The following TNRC6A variants were observed in gnomAD, a reference collection of about 807,000 sequenced individuals.
The protein encoded by TNRC6A is trinucleotide repeat-containing gene 6A protein.
A neutral mutation model predicts 221.2 loss-of-function variants in TNRC6A; 44 were observed. The ratio of observed to expected loss-of-function variants is 0.20; its 90% CI spans 0.16 to 0.26. The LOEUF (loss-of-function observed/expected upper bound fraction) is 0.26. TNRC6A is among the 10% of genes least tolerant of loss of function. The pLI, the probability that TNRC6A is intolerant of heterozygous loss-of-function variation, is 1.00. For synonymous variants in TNRC6A, 847 were observed against 838.5 expected, an observed-to-expected ratio of 1.01 and a Z score of -0.18; for missense variants, 2,199 against 2,404.4, an observed-to-expected ratio of 0.91 and a Z score of 1.79.
chr16:24,611,137 C>A (rs1005529102), intron 1 of TNRC6A, among the ~76,000 whole-genome samples: 6 of 151,992 alleles, frequency 3.9e-5, no homozygotes, highest in Non-Finnish European at 7.4e-5. Flanking sequence ...ATTCACATAC[C>A]TTTCTGTCTC....
chr16:24,822,868 T>G lies in TNRC6A; in HGVS notation c.5374-6T>G. On this transcript the variant is annotated splice_polypyrimidine_tract_variant and splice_region_variant and intron_variant, in intron 23 of 24. Transcript: ENST00000395799. Reference sequence around the variant, plus strand: ...TCTCACTGGCAGTTTCCACACTGTTTCCTAGATCGATGGCTCAACTCTGCG... The same window carrying G: ...TCTCACTGGCAGTTTCCACACTGTTGCCTAGATCGATGGCTCAACTCTGCG... The G allele has an allele frequency of 1.2e-6, 2 of 1,613,078 alleles. No individual in the cohort carries two copies. Among genetic ancestry groups the G allele is most frequent in the Non-Finnish European group, 1.7e-6 (2 of 1,179,936 alleles).
At chr16:24,664,769 TCACACACACACACACA>T (rs149786252) in intron 2 of TNRC6A, 118 of 301,638 alleles carry the variant, frequency 3.9e-4, no homozygotes, top group South Asian at 1.3e-3. Flanking sequence ...AATCCCCAAA[TCACACACACACACACA>T]CACACACACA....
At position 24,642,244 on chromosome 16, in the gene TNRC6A, G is replaced by C. The variant is rs1301134258; in HGVS notation, n.402+1235G>C. On this transcript the variant is annotated intron_variant and non_coding_transcript_variant, in intron 2 of 2. Coordinates refer to the TNRC6A transcript ENST00000566108. ...AGTTAAGCAGGTCATCAGACTCCAA[G>C]AAACTGAGCAATGTTGTCCGAAGGT... is the stretch of plus-strand genomic sequence containing the variant. Among the ~76,000 whole-genome samples, 3 of 152,204 alleles carry C rather than the reference G, an allele frequency of 2.0e-5. No homozygotes were observed. In the East Asian group the frequency reaches 5.8e-4, roughly 29 times the overall value.
rs780518478 is a variant in TNRC6A, at chr16:24,820,374, G to A, written c.5302+14G>A. On this transcript the variant is annotated intron_variant, in intron 22 of 24. Transcript: ENST00000395799. Reference sequence around the variant, plus strand: ...GATATACCCCAGGTAAGATGCAGTCGTAAGGTGGGTTTCTGTGGTTTATTT... The same window carrying A: ...GATATACCCCAGGTAAGATGCAGTCATAAGGTGGGTTTCTGTGGTTTATTT... The A allele has an allele frequency of 3.0e-5, 49 of 1,611,660 alleles. No homozygotes were observed. The highest frequency in any genetic ancestry group is 1.2e-4 in the Admixed American group (7 of 59,994).
At chr16:24,633,685 G>T (rs766951737) in intron 1 of TNRC6A, among the ~76,000 whole-genome samples, 1 of 152,144 alleles carries the variant, frequency 6.6e-6, no homozygotes, top group Non-Finnish European at 1.5e-5. Flanking sequence ...GAGCCACTGT[G>T]CCCGGCTTTT....
chr16:24,627,692 T>C (rs1031736417), intron 1 of TNRC6A, among the ~76,000 whole-genome samples: 2 of 141,902 alleles, frequency 1.4e-5, no homozygotes, highest in Non-Finnish European at 3.0e-5. Flanking sequence ...TGTTTTCTTT[T>C]CTTGCTTTTT....
chr16:24,729,989 T>A, intron 1 of TNRC6A, 143 bp downstream of exon 1: 2 of 788,838 alleles, frequency 2.5e-6, no homozygotes, highest in Non-Finnish European at 3.2e-6. Flanking sequence ...GCAGGCTGCG[T>A]TGCTGCGGAG....
intron 4 of TNRC6A, among the ~76,000 whole-genome samples, chr16:24,774,372 C>T (rs2057676884): frequency 6.6e-6 from 1 of 152,154 alleles, no homozygotes; most frequent in East Asian, 1.9e-4. Context: ...TTTCTGGCCC[C>T]GGAAATGAAT....
chr16:24,623,311 G>A (rs569716184), intron 1 of TNRC6A, among the ~76,000 whole-genome samples: 1 of 152,138 alleles, frequency 6.6e-6, no homozygotes, highest in Admixed American at 6.5e-5. Context: ...CCATTCTCCT[G>A]CCTCAGCCTG....
intron 11 of TNRC6A, among the ~76,000 whole-genome samples, chr16:24,802,352 C>A (rs970613624): frequency 6.6e-6 from 1 of 152,018 alleles, no homozygotes; most frequent in East Asian, 1.9e-4. Flanking sequence ...AGTTGGAGAC[C>A]GCTTGGGCAA....
chr16:24,745,798 C>G (rs200922582), intron 2 of TNRC6A, among the ~76,000 whole-genome samples: 4 of 44,152 alleles, frequency 9.1e-5, no homozygotes, highest in East Asian at 1.4e-3. Context: ...TGTACCATCC[C>G]CCCCCCCCCC....
At chr16:24,814,014 T>G (rs916585137) in intron 18 of TNRC6A, among the ~76,000 whole-genome samples, 2 of 152,206 alleles carry the variant, frequency 1.3e-5, no homozygotes, top group African/African-American at 4.8e-5. Context: ...TAATTCTGCT[T>G]ATAGAACAGA....
At chr16:24,793,272 C>T (rs1477133931) in intron 6 of TNRC6A, 1 of 382,850 alleles carries the variant, frequency 2.6e-6, no homozygotes, top group East Asian at 3.9e-5. Flanking sequence ...TAAAAAAATT[C>T]TCACCTTATA....
chr16:24,743,377 A>C (rs1160166659), intron 2 of TNRC6A, among the ~76,000 whole-genome samples: 1 of 149,596 alleles, frequency 6.7e-6, no homozygotes, highest in Non-Finnish European at 1.5e-5. Flanking sequence ...GCTGGAGTGC[A>C]GTGTGGAATG....
chr16:24,726,645 A>T (rs1479088949), upstream of TNRC6A, among the ~76,000 whole-genome samples: 1 of 152,202 alleles, frequency 6.6e-6, no homozygotes, highest in Non-Finnish European at 1.5e-5. Context: ...TGTGTTGAAC[A>T]GTTTCCCAAG....
chr16:24,632,868 G>T (rs1273138618), intron 1 of TNRC6A, among the ~76,000 whole-genome samples: 1 of 152,028 alleles, frequency 6.6e-6, no homozygotes, highest in Non-Finnish European at 1.5e-5. Context: ...AATTAGCTGG[G>T]TGCGGTGGTG....
intron 10 of TNRC6A, 41 bp from the exon 11 acceptor site, chr16:24,797,874 T>C (rs752665334): frequency 1.3e-6 from 2 of 1,534,172 alleles, no homozygotes; most frequent in Non-Finnish European, 1.8e-6. Flanking sequence ...TTTTCATTGA[T>C]AAATTAAGGT....
chr16:24,648,476 T>C (rs190569953), intron 2 of TNRC6A, among the ~76,000 whole-genome samples: 2 of 151,896 alleles, frequency 1.3e-5, no homozygotes, highest in Non-Finnish European at 2.9e-5. Context: ...TTCACCGTGT[T>C]AGCCAGGATG....
intron 18 of TNRC6A, among the ~76,000 whole-genome samples, chr16:24,809,697 A>G (rs2058504874): frequency 6.6e-6 from 1 of 152,226 alleles, no homozygotes; most frequent in Non-Finnish European, 1.5e-5. Context: ...TAAAGGAGAG[A>G]TCAGATGATA....
Sources: gnomAD v4.1 joint callset for allele counts (sites outside exome capture counted in the v4.1 genomes callset) on GRCh38, gnomAD v4.1.1 for gene constraint, MANE v1.5 for transcripts, NCBI Gene and HGNC (gene_info 2026-07-23, HGNC 2026-07-21) for gene names.